SIK3: variants seen among roughly 807,000 people sequenced by gnomAD.
SIK3 encodes the protein SIK family kinase 3.
SIK3 carries 28 observed loss-of-function variants against 144.2 expected under a neutral mutation model. The observed-to-expected ratio is 0.19, with a 90% CI of 0.14 to 0.27. The LOEUF (loss-of-function observed/expected upper bound fraction) is 0.27. Ranked by LOEUF, SIK3 falls within the 10% of genes least tolerant of loss-of-function variation. SIK3 has a pLI of 1.00. For synonymous variants in SIK3, 686 were observed against 676.3 expected (o/e 1.01, Z -0.22); for missense variants, 1,319 against 1,776.0 (o/e 0.74, Z 4.62).
intron 1 of SIK3, among the ~76,000 whole-genome samples, chr11:117,054,464 G>A (rs897888892): frequency 4.6e-5 from 7 of 152,194 alleles, no homozygotes; most frequent in African/African-American, 1.7e-4. Context: ...AGACCCATCA[G>A]AGGCCTTTCT....
chr11:116,968,237 G>A (rs1384924115), intron 1 of SIK3, among the ~76,000 whole-genome samples: 3 of 152,128 alleles, frequency 2.0e-5, no homozygotes, highest in African/African-American at 7.2e-5. Context: ...CCACCTCCTG[G>A]GTTCGGGCAA....
intron 4 of SIK3, among the ~76,000 whole-genome samples, chr11:116,915,122 A>ATATG (rs1555093301): frequency 1.0e-5 from 1 of 100,026 alleles, no homozygotes; most frequent in Non-Finnish European, 1.9e-5. Context: ...AGGAAGCCAT[A>ATATG]TATGTGTGTG....
intron 1 of SIK3, among the ~76,000 whole-genome samples, chr11:117,074,923 T>C (rs1004406408): frequency 7.1e-6 from 1 of 140,850 alleles, no homozygotes; most frequent in African/African-American, 2.8e-5. Context: ...AGAGACTCCG[T>C]CTCAAAACAA....
intron 1 of SIK3, among the ~76,000 whole-genome samples, chr11:116,979,967 A>G (rs1257247446): frequency 6.6e-6 from 1 of 151,794 alleles, no homozygotes; most frequent in Non-Finnish European, 1.5e-5. Flanking sequence ...ATGTCACTAA[A>G]CCTCTCATAT....
chr11:117,087,657 T>C (rs772787468), intron 1 of SIK3, among the ~76,000 whole-genome samples: 2 of 152,192 alleles, frequency 1.3e-5, no homozygotes, highest in African/African-American at 2.4e-5. Flanking sequence ...CCAGTGTGGC[T>C]TGCAGTGAGC....
intron 1 of SIK3, among the ~76,000 whole-genome samples, chr11:117,000,312 A>G (rs932013875): frequency 6.6e-6 from 1 of 152,220 alleles, no homozygotes; most frequent in African/African-American, 2.4e-5. Context: ...TGTGCACAGG[A>G]GACTTGACAC....
chr11:117,086,072 G>A (rs1954989982), intron 1 of SIK3, among the ~76,000 whole-genome samples: 1 of 152,108 alleles, frequency 6.6e-6, no homozygotes, highest in Non-Finnish European at 1.5e-5. Context: ...TACTGTATAG[G>A]AGGGCTTCTA....
intron 1 of SIK3, among the ~76,000 whole-genome samples, chr11:116,993,194 A>G (rs1565535452): frequency 6.6e-6 from 1 of 152,196 alleles, no homozygotes; most frequent in Non-Finnish European, 1.5e-5. Flanking sequence ...CCCAAAAGCT[A>G]GATTTTTAAA....
chr11:116,875,204 G>A lies in SIK3; in HGVS notation c.1381C>T (p.Arg461Cys), dbSNP rs189257553. The A allele has an allele frequency of 6.2e-6, 10 of 1,614,142 alleles. No individual in the cohort carries two copies. Among genetic ancestry groups the A allele is most frequent in the Admixed American group, 3.3e-5 (2 of 60,018 alleles). Reference protein sequence around the residue: ...GEEPSPEALVRYLSMRRHTVG... With the variant: ...GEEPSPEALVCYLSMRRHTVG... ...GTGTGCCTCCTCATTGACAAATAGC[G>A]CACCAATGCTTCAGGGGAAGGCTCT... The change falls in exon 11 of 25, where the codon CGC becomes TGC. Residue 461 changes from arginine (R) to cysteine (C), a missense_variant. This residue lies in a region of SIK3 where 167 missense variants were observed against 263.3 expected (regional missense o/e 0.63). Coordinates refer to ENST00000445177, the MANE Select transcript of SIK3 (RefSeq NM_001366686.3).
chr11:116,876,067 C>T (rs1944237228), intron 8 of SIK3, 58 bp from the exon 9 acceptor site: 2 of 1,600,628 alleles, frequency 1.2e-6, no homozygotes, highest in African/African-American at 1.3e-5. Flanking sequence ...TGTTGATGAC[C>T]AGAACCCTTT....
intron 1 of SIK3, among the ~76,000 whole-genome samples, chr11:116,976,842 C>CTT (rs1949963013): frequency 6.6e-6 from 1 of 152,076 alleles, no homozygotes; most frequent in Admixed American, 6.6e-5. Context: ...TCACAATAAA[C>CTT]TATCAAATTA....
chr11:116,966,915 G>A (rs1226859007), intron 1 of SIK3, among the ~76,000 whole-genome samples: 1 of 148,204 alleles, frequency 6.7e-6, no homozygotes, highest in Admixed American at 6.8e-5. Context: ...TGAGGCAGGG[G>A]AATTGCTTGA....
At chr11:116,851,196 TC>T (rs1942405361) in intron 21 of SIK3, among the ~76,000 whole-genome samples, 1 of 152,192 alleles carries the variant, frequency 6.6e-6, no homozygotes, top group South Asian at 2.1e-4. Flanking sequence ...TTGACTTCAG[TC>T]TTTAAAAGCC....
intron 6 of SIK3, among the ~76,000 whole-genome samples, chr11:116,890,663 A>G (rs959267135): frequency 2.6e-5 from 4 of 152,256 alleles, no homozygotes; most frequent in Non-Finnish European, 4.4e-5. Context: ...AGAGACATGA[A>G]GAGTGAATAG....
intron 1 of SIK3, among the ~76,000 whole-genome samples, chr11:117,097,109 C>A (rs1955508456): frequency 6.6e-6 from 1 of 152,148 alleles, no homozygotes. Flanking sequence ...AGATTCCAGT[C>A]CTCCCAACGA....
intron 1 of SIK3, among the ~76,000 whole-genome samples, chr11:116,961,272 C>T (rs1398000738): frequency 6.6e-6 from 1 of 152,210 alleles, no homozygotes; most frequent in African/African-American, 2.4e-5. Context: ...GATAAGACCA[C>T]TTAACAGGGA....
intron 1 of SIK3, among the ~76,000 whole-genome samples, chr11:117,029,455 T>C (rs1452552077): frequency 6.6e-6 from 1 of 151,988 alleles, no homozygotes; most frequent in Admixed American, 6.6e-5. Context: ...AGACCCTGTC[T>C]CAAAAATAAA....
At chr11:117,030,182 A>G (rs1455428882) in intron 1 of SIK3, among the ~76,000 whole-genome samples, 1 of 152,228 alleles carries the variant, frequency 6.6e-6, no homozygotes, top group African/African-American at 2.4e-5. Flanking sequence ...ATATTTCTGC[A>G]AAGTATTTTG....
At chr11:116,983,929 T>C (rs1950237698) in intron 1 of SIK3, among the ~76,000 whole-genome samples, 2 of 151,624 alleles carry the variant, frequency 1.3e-5, no homozygotes, top group African/African-American at 4.9e-5. Flanking sequence ...CACACGCCTG[T>C]AGTCCCAGCT....
Sources: gnomAD v4.1 joint callset for allele counts (sites outside exome capture counted in the v4.1 genomes callset) on GRCh38, gnomAD v4.1.1 for gene constraint, gnomAD v4.1.1 regional missense constraint, MANE v1.5 for transcripts, NCBI Gene and HGNC (gene_info 2026-07-23, HGNC 2026-07-21) for gene names.